Variants in TRDN observed in about 807,000 individuals in gnomAD.
The protein encoded by TRDN is triadin in skeletal muscle.
Under a neutral mutation model 149.7 loss-of-function variants are expected in TRDN, and 161 were observed. The observed-to-expected ratio is 1.08, with a 90% confidence interval of 0.95 to 1.23. TRDN has a LOEUF of 1.23. Among genes scored for constraint, TRDN ranks in the 50% most tolerant of loss-of-function variants. The pLI is 0.00. For synonymous variants in TRDN, 294 were observed against 250.5 expected, an observed-to-expected ratio of 1.17 and a Z score of -1.64; for missense variants, 896 against 823.5, an observed-to-expected ratio of 1.09 and a Z score of -1.08.
At chr6:123,329,388 A>C (rs1362115504) in intron 23 of TRDN, among the ~76,000 whole-genome samples, 1 of 152,150 alleles carries the variant, frequency 6.6e-6, no homozygotes, top group Non-Finnish European at 1.5e-5. Flanking sequence ...TCTAATTACT[A>C]AAAGAAGTGT....
intron 13 of TRDN, among the ~76,000 whole-genome samples, chr6:123,391,413 T>G (rs1467361391): frequency 6.6e-6 from 1 of 152,108 alleles, no homozygotes; most frequent in African/African-American, 2.4e-5. Flanking sequence ...TATTAGTTCT[T>G]CAAAATGTTA....
chr6:123,394,596 A>C (rs1206612383), intron 12 of TRDN, among the ~76,000 whole-genome samples: 1 of 152,110 alleles, frequency 6.6e-6, no homozygotes, highest in African/African-American at 2.4e-5. Context: ...ATATATATTC[A>C]ATCTTTCATT....
At chr6:123,224,165 G>A (rs760417337) in intron 38 of TRDN, 34 bp from the exon 39 acceptor site, 1 of 1,600,734 alleles carries the variant, frequency 6.2e-7, no homozygotes, top group South Asian at 1.1e-5. Flanking sequence ...TAGAATCACA[G>A]TCAATTTTTC....
At chr6:123,567,779 C>T (rs927401097) in intron 2 of TRDN, among the ~76,000 whole-genome samples, 26 of 152,168 alleles carry the variant, frequency 1.7e-4, no homozygotes, top group African/African-American at 5.3e-4. Context: ...AGAGGCCCCA[C>T]GTCGAACACT....
intron 38 of TRDN, 64 bp downstream of exon 38, chr6:123,252,348 A>G (rs1776402743): frequency 2.0e-6 from 2 of 1,001,676 alleles, no homozygotes; most frequent in African/African-American, 3.3e-5. Context: ...TATTTTATGA[A>G]TTTCATCTTA....
chr6:123,227,345 A>G (rs1181776698), intron 38 of TRDN, among the ~76,000 whole-genome samples: 1 of 151,900 alleles, frequency 6.6e-6, no homozygotes, highest in Non-Finnish European at 1.5e-5. Context: ...TAAGGAAAAT[A>G]ACGATATGTT....
chr6:123,379,877 T>C (rs1401661683), intron 16 of TRDN, among the ~76,000 whole-genome samples: 2 of 152,164 alleles, frequency 1.3e-5, no homozygotes, highest in African/African-American at 4.8e-5. Flanking sequence ...CTTTTCATCC[T>C]GTTTCCCTTA....
At chr6:123,558,220 A>G (rs6934627) in intron 2 of TRDN, among the ~76,000 whole-genome samples, 4,900 of 151,916 alleles carry the variant, frequency 0.032, 106 homozygotes, top group African/African-American at 0.066. Flanking sequence ...AACCCCAAGC[A>G]TCACTGAGTC....
At position 123,472,088 on chromosome 6, in the gene TRDN, C is replaced by T. The variant is rs9482394; in HGVS notation, c.854-7105G>A. On this transcript the variant is annotated intron_variant, in intron 9 of 40. Transcript: ENST00000334268. ...CAAACCTAATATGAGCCAAGATGGC[C>T]GAATAGGAACAGCTCCAGTCTACAG... Among the ~76,000 whole-genome samples, 221 of 152,230 alleles carry T rather than the reference C, an allele frequency of 1.5e-3. 1 individual carries two copies. The highest frequency in any genetic ancestry group is 4.9e-3 in the African/African-American group (203 of 41,522).
intron 1 of TRDN, among the ~76,000 whole-genome samples, chr6:123,583,151 G>A (rs1208044867): frequency 6.6e-6 from 1 of 152,192 alleles, no homozygotes; most frequent in Non-Finnish European, 1.5e-5. Context: ...CAAGAGTTAA[G>A]AGTGGCAGTT....
chr6:123,309,105 T>A (rs991691973), intron 24 of TRDN, among the ~76,000 whole-genome samples: 5 of 152,010 alleles, frequency 3.3e-5, no homozygotes, highest in African/African-American at 1.2e-4. Context: ...TGATTCTAAT[T>A]TATTTCTATA....
At chr6:123,351,637 T>A (rs1780465938) in intron 21 of TRDN, 1 of 955,522 alleles carries the variant, frequency 1.0e-6, no homozygotes, top group Non-Finnish European at 1.2e-6. Context: ...TTATTTGACA[T>A]GTGAGGGATT....
intron 7 of TRDN, among the ~76,000 whole-genome samples, chr6:123,505,639 C>A (rs1465503173): frequency 6.6e-6 from 1 of 151,992 alleles, no homozygotes; most frequent in Admixed American, 6.6e-5. Context: ...TTATGATACA[C>A]ACATTATTCA....
At chr6:123,626,888 T>A (rs1363524075) in intron 1 of TRDN, among the ~76,000 whole-genome samples, 1 of 148,428 alleles carries the variant, frequency 6.7e-6, no homozygotes, top group Non-Finnish European at 1.5e-5. Flanking sequence ...TATAGCCTTA[T>A]AAAATGTTTT....
At position 123,309,336 on chromosome 6, in the gene TRDN, GT is replaced by G. The variant is rs538421012; in HGVS notation, c.1510+7120del. 6.0e-3 allele frequency among the ~76,000 whole-genome samples: 904 copies of G among 151,886 alleles called. 2 individuals are homozygous for G. Among genetic ancestry groups the G allele is most frequent in the Non-Finnish European group, 8.1e-3 (548 of 67,918 alleles). On this transcript the variant is annotated intron_variant, in intron 24 of 40. Transcript: ENST00000334268. ...TCTCCTCACCTCTCCCACCACTGTT[GT>G]GCTCATTCCTGTCTCTAGGCTAGCT...
At chr6:123,615,472 A>G (rs1399366708) in intron 1 of TRDN, among the ~76,000 whole-genome samples, 1 of 151,856 alleles carries the variant, frequency 6.6e-6, no homozygotes, top group Non-Finnish European at 1.5e-5. Context: ...GAATAATGGA[A>G]TGTGTGTGTG....
intron 10 of TRDN, chr6:123,456,747 G>A (rs546925058): frequency 2.2e-6 from 1 of 453,878 alleles, no homozygotes; most frequent in African/African-American, 2.0e-5. Context: ...GGGGATTACA[G>A]CATTCCTTAT....
intron 38 of TRDN, among the ~76,000 whole-genome samples, chr6:123,249,587 T>C (rs1776305060): frequency 6.6e-6 from 1 of 152,158 alleles, no homozygotes; most frequent in East Asian, 1.9e-4. Context: ...CACCACAGAA[T>C]ACTATGAAGC....
intron 38 of TRDN, among the ~76,000 whole-genome samples, chr6:123,247,228 A>T (rs1217896821): frequency 1.3e-5 from 2 of 152,242 alleles, no homozygotes; most frequent in Non-Finnish European, 2.9e-5. Context: ...CTCCTATTTA[A>T]CATAGTGTTG....
Sources: allele counts gnomAD v4.1 joint callset (sites outside exome capture counted in the v4.1 genomes callset), GRCh38; gene constraint gnomAD v4.1.1; transcripts MANE v1.5; gene names NCBI Gene and HGNC (gene_info 2026-07-23, HGNC 2026-07-21).